The following KIF16B variants were observed in gnomAD, a reference collection of about 807,000 sequenced individuals.
The protein encoded by KIF16B is kinesin-like protein KIF16B.
In KIF16B, 98 loss-of-function variants were observed where a neutral mutation model predicts 156.3. The ratio of observed to expected loss-of-function variants is 0.63; its 90% CI spans 0.53 to 0.74. The LOEUF is 0.74. KIF16B is among the 30% of genes least tolerant of loss of function. The pLI is 0.00. For synonymous variants in KIF16B, 564 were observed against 583.7 expected (o/e 0.97, Z 0.49); for missense variants, 1,421 against 1,606.5 (o/e 0.88, Z 1.97).
chr20:16,539,549 ACCTCCCCCGACC>A (rs2070114591), intron 1 of KIF16B, among the ~76,000 whole-genome samples: 1 of 151,624 alleles, frequency 6.6e-6, no homozygotes, highest in African/African-American at 2.4e-5. Context: ...AGTGTATGAC[ACCTCCCCCGACC>A]CTTGCTCTCA....
intron 23 of KIF16B, among the ~76,000 whole-genome samples, chr20:16,345,673 GAT>G (rs2064220111): frequency 6.6e-6 from 1 of 152,184 alleles, no homozygotes. Flanking sequence ...AGAAACAACA[GAT>G]AGTCTCTAAA....
rs757270782 is a variant in KIF16B at position 16,380,028 on chromosome 20, G to A, written c.1974C>T (p.Leu658=). Residue 658 remains leucine (L), a synonymous_variant, in exon 19 of 26, where the codon CTC becomes CTT. Transcript: ENST00000354981. ...QLQIRKQEES[L]KRRSFHIENK... ...TCTCGATGTGGAAGCTGCGGCGTTT[G>A]AGGCTCTCCTCCTGCTTGCGAATCT... 6.3e-7 allele frequency: 1 copy of A among 1,595,616 alleles called. No individual in the cohort carries two copies. Among genetic ancestry groups the A allele is most frequent in the Non-Finnish European group, 8.5e-7 (1 of 1,172,702 alleles).
intron 1 of KIF16B, among the ~76,000 whole-genome samples, chr20:16,554,327 G>A (rs961379502): frequency 4.6e-5 from 7 of 152,140 alleles, no homozygotes; most frequent in Admixed American, 6.5e-5. Context: ...GCCAGCTGCC[G>A]AGAGGATTTA....
At chr20:16,460,721 G>A (rs1186650281) in intron 12 of KIF16B, among the ~76,000 whole-genome samples, 2 of 151,818 alleles carry the variant, frequency 1.3e-5, no homozygotes, top group East Asian at 3.9e-4. Flanking sequence ...GCACTGATAG[G>A]AAGCAACGAA....
intron 25 of KIF16B, among the ~76,000 whole-genome samples, chr20:16,279,773 A>T (rs920068464): frequency 6.6e-6 from 1 of 152,204 alleles, no homozygotes; most frequent in Non-Finnish European, 1.5e-5. Flanking sequence ...CCCAATCTTT[A>T]AATTTCCAAT....
At chr20:16,438,905 G>A (rs1225995159) in intron 12 of KIF16B, among the ~76,000 whole-genome samples, 1 of 152,070 alleles carries the variant, frequency 6.6e-6, no homozygotes, top group Non-Finnish European at 1.5e-5. Context: ...TATTAATTAT[G>A]TTCTATGAAT....
At chr20:16,448,005 G>A (rs2066981090) in intron 12 of KIF16B, among the ~76,000 whole-genome samples, 1 of 152,150 alleles carries the variant, frequency 6.6e-6, no homozygotes, top group Admixed American at 6.5e-5. Flanking sequence ...AAACCAGCAA[G>A]CTTAAGACAG....
At chr20:16,297,767 C>T (rs774581227) in intron 25 of KIF16B, among the ~76,000 whole-genome samples, 1 of 152,068 alleles carries the variant, frequency 6.6e-6, no homozygotes, top group African/African-American at 2.4e-5. Context: ...CACTGGTCCC[C>T]AGGTCTCATT....
chr20:16,367,880 C>A, intron 22 of KIF16B: 1 of 1,534,916 alleles, frequency 6.5e-7, no homozygotes, highest in Non-Finnish European at 8.7e-7. Flanking sequence ...AGACCCTCTG[C>A]AGAGCTCAGG....
intron 12 of KIF16B, among the ~76,000 whole-genome samples, chr20:16,455,193 C>T (rs2067182707): frequency 6.6e-6 from 1 of 152,052 alleles, no homozygotes; most frequent in South Asian, 2.1e-4. Flanking sequence ...ATAAAACCAA[C>T]TTGTTTTTTT....
rs373075860 is a variant in KIF16B at position 16,558,731 on chromosome 20, CT to C, written c.47+14497del. ...CCAGCCTGGCCAACATGGCAAAACC[CT>C]GTTTCCATTAAAAATACAAAATTTA... On this transcript the variant is annotated intron_variant, in intron 1 of 25. Coordinates refer to ENST00000354981, the MANE Select transcript of KIF16B (RefSeq NM_024704.5). Among the ~76,000 whole-genome samples, 468 of 152,210 alleles carry C rather than the reference CT, an allele frequency of 3.1e-3. 3 individuals are homozygous for C. Among genetic ancestry groups the C allele is most frequent in the African/African-American group, 0.011 (457 of 41,538 alleles).
At chr20:16,367,061 A>G in intron 22 of KIF16B, 13 of 1,437,056 alleles carry the variant, frequency 9.0e-6, no homozygotes, top group Non-Finnish European at 1.2e-5. Context: ...ACACGGAGAT[A>G]TTCATATTGC....
At chr20:16,405,539 T>C (rs1053852043) in intron 16 of KIF16B, among the ~76,000 whole-genome samples, 11 of 152,138 alleles carry the variant, frequency 7.2e-5, no homozygotes, top group Non-Finnish European at 1.6e-4. Context: ...CGGGCATCCC[T>C]TATAAAGGAG....
chr20:16,485,850 T>C (rs749654255), intron 12 of KIF16B, among the ~76,000 whole-genome samples: 1 of 152,110 alleles, frequency 6.6e-6, no homozygotes, highest in Non-Finnish European at 1.5e-5. Flanking sequence ...TATAAGCATG[T>C]CTCCACACAT....
chr20:16,567,774 C>T (rs1338397501), intron 1 of KIF16B, among the ~76,000 whole-genome samples: 1 of 152,126 alleles, frequency 6.6e-6, no homozygotes, highest in Admixed American at 6.5e-5. Flanking sequence ...CACAGTGAAA[C>T]CCTGTCTCTA....
intron 12 of KIF16B, among the ~76,000 whole-genome samples, chr20:16,470,029 T>C (rs1244639596): frequency 2.6e-5 from 4 of 151,986 alleles, no homozygotes; most frequent in African/African-American, 9.7e-5. Flanking sequence ...TATTAAGCCA[T>C]GAAAAGATAT....
intron 25 of KIF16B, among the ~76,000 whole-genome samples, chr20:16,301,237 A>G (rs2122599035): frequency 6.6e-6 from 1 of 152,304 alleles, no homozygotes; most frequent in South Asian, 2.1e-4. Flanking sequence ...CCATTTACCT[A>G]CCAAAGGATA....
intron 25 of KIF16B, among the ~76,000 whole-genome samples, chr20:16,306,691 C>T (rs1346549651): frequency 1.3e-5 from 2 of 152,132 alleles, no homozygotes; most frequent in Non-Finnish European, 2.9e-5. Context: ...TTGCCTTCCC[C>T]TGGCTCTTAA....
chr20:16,336,566 C>A (rs1173919005), intron 23 of KIF16B, among the ~76,000 whole-genome samples: 1 of 152,160 alleles, frequency 6.6e-6, no homozygotes, highest in Non-Finnish European at 1.5e-5. Context: ...CAATTCCTTT[C>A]TCCACTTCCC....
Sources: allele counts gnomAD v4.1 joint callset (sites outside exome capture counted in the v4.1 genomes callset), GRCh38; gene constraint gnomAD v4.1.1; transcripts MANE v1.5; gene names NCBI Gene and HGNC (gene_info 2026-07-23, HGNC 2026-07-21).